Variants in PTPRZ1 observed in about 807,000 individuals in gnomAD.
PTPRZ1 encodes receptor-type tyrosine-protein phosphatase zeta.
A neutral mutation model predicts 214.1 loss-of-function variants in PTPRZ1; 82 were observed. That is an observed-to-expected ratio of 0.38 (90% CI 0.32 to 0.46). The LOEUF is 0.46. Ranked by LOEUF, PTPRZ1 falls within the 20% of genes least tolerant of loss-of-function variation. PTPRZ1 has a pLI of 1.00. For missense variants in PTPRZ1, 2,603 were observed against 2,748.7 expected (o/e 0.95, Z 1.19); for synonymous variants, 945 against 987.9 (o/e 0.96, Z 0.81).
At chr7:121,888,289 T>C (rs1239053331) in intron 1 of PTPRZ1, among the ~76,000 whole-genome samples, 2 of 151,732 alleles carry the variant, frequency 1.3e-5, no homozygotes, top group African/African-American at 4.8e-5. Context: ...GTTTAGAGTA[T>C]AGATGAAGAC....
chr7:121,998,597 C>G (rs1798217945), intron 10 of PTPRZ1, among the ~76,000 whole-genome samples: 1 of 152,070 alleles, frequency 6.6e-6, no homozygotes, highest in Non-Finnish European at 1.5e-5. Flanking sequence ...TGTACCTTCT[C>G]TAAATGTATG....
chr7:122,024,597 AT>A (rs958525839), intron 13 of PTPRZ1, among the ~76,000 whole-genome samples: 95 of 146,774 alleles, frequency 6.5e-4, no homozygotes, highest in South Asian at 2.2e-3. Context: ...TACTATTTTA[AT>A]TTTTTTTTTT....
rs189369863 is a variant in PTPRZ1, at chr7:122,061,292, T to G, written c.*72T>G. 7 of 1,357,782 alleles carry G rather than the reference T, an allele frequency of 5.2e-6. No homozygotes were observed. The highest frequency in any genetic ancestry group is 6.9e-6 in the Non-Finnish European group (7 of 1,018,132). 84.1% of individuals were successfully genotyped at this position (1,357,782 alleles called of 1,614,324 possible). A position where few individuals can be genotyped will look rare whatever the true frequency, so the allele number is the denominator to read the frequency against. ...TCCTAAAATTAGGCAGGAAAATCAG[T>G]CTAGTTCTGTTATCTGTTGATTTCC... On this transcript the variant is annotated 3_prime_UTR_variant, in exon 30 of 30. Coordinates refer to ENST00000393386, the MANE Select transcript of PTPRZ1 (RefSeq NM_002851.3).
At position 122,011,218 on chromosome 7, in the gene PTPRZ1, A is replaced by T. The variant is rs767207468; in HGVS notation, c.2172A>T (p.Thr724=). 6 of 1,613,840 alleles carry T rather than the reference A, an allele frequency of 3.7e-6. No individual in the cohort carries two copies. Among genetic ancestry groups the T allele is most frequent in the Non-Finnish European group, 5.1e-6 (6 of 1,179,984 alleles). ...TTGCCTACTTCCCAACTGAGGTAACACCTCATGCTTTTACCCCATCCTCCA... is the reference window on the plus strand; with the variant it reads ...TTGCCTACTTCCCAACTGAGGTAACTCCTCATGCTTTTACCCCATCCTCCA... ...STFAYFPTEV[T]PHAFTPSSRQ... is the part of the protein sequence containing the mutation. Residue 724 remains threonine, a synonymous_variant, in exon 12 of 30, where the codon ACA becomes ACT. Transcript: ENST00000393386.
At chr7:122,029,525 A>G (rs570749029) in intron 14 of PTPRZ1, among the ~76,000 whole-genome samples, 1 of 152,098 alleles carries the variant, frequency 6.6e-6, no homozygotes, top group African/African-American at 2.4e-5. Flanking sequence ...ATAAAAGGAA[A>G]GAGAAGTTAA....
intron 11 of PTPRZ1, among the ~76,000 whole-genome samples, chr7:122,007,410 G>C (rs960354043): frequency 2.6e-5 from 4 of 151,980 alleles, no homozygotes; most frequent in African/African-American, 9.7e-5. Flanking sequence ...AGCTTGGCTT[G>C]GTAAATTGGT....
intron 1 of PTPRZ1, among the ~76,000 whole-genome samples, chr7:121,903,113 G>A (rs1365348853): frequency 6.6e-5 from 10 of 152,138 alleles, no homozygotes; most frequent in Admixed American, 3.9e-4. Context: ...TGTCCAGTCC[G>A]TTGCTTGCAT....
At chr7:121,970,688 G>T (rs891411392) in intron 3 of PTPRZ1, among the ~76,000 whole-genome samples, 2 of 152,110 alleles carry the variant, frequency 1.3e-5, no homozygotes, top group Admixed American at 6.6e-5. Context: ...GTTCTTTCTA[G>T]ATTCTGGATA....
intron 2 of PTPRZ1, among the ~76,000 whole-genome samples, chr7:121,961,624 G>A (rs1451275167): frequency 6.6e-6 from 1 of 152,186 alleles, no homozygotes; most frequent in Non-Finnish European, 1.5e-5. Flanking sequence ...GCCTAGAATT[G>A]CTTTCCATTC....
chr7:121,874,351 G>A (rs1232746384), intron 1 of PTPRZ1, among the ~76,000 whole-genome samples: 1 of 152,112 alleles, frequency 6.6e-6, no homozygotes. Context: ...GCAGACTCAA[G>A]TTTTCCAGTC....
intron 1 of PTPRZ1, among the ~76,000 whole-genome samples, chr7:121,892,507 G>A (rs973216970): frequency 1.3e-5 from 2 of 151,310 alleles, no homozygotes; most frequent in Non-Finnish European, 2.9e-5. Flanking sequence ...GACCATAAGA[G>A]TATTTTAATT....
At chr7:121,879,616 A>G (rs947605207) in intron 1 of PTPRZ1, among the ~76,000 whole-genome samples, 1 of 152,154 alleles carries the variant, frequency 6.6e-6, no homozygotes, top group Non-Finnish European at 1.5e-5. Flanking sequence ...CACAAGTTTA[A>G]CTCTGCACAT....
At chr7:122,028,068 A>G (rs890649574) in intron 13 of PTPRZ1, 3 of 154,636 alleles carry the variant, frequency 1.9e-5, no homozygotes, top group African/African-American at 7.2e-5. Context: ...TACATAGTTC[A>G]TTTCTACATA....
intron 8 of PTPRZ1, among the ~76,000 whole-genome samples, chr7:121,988,212 C>T (rs1243864483): frequency 6.6e-6 from 1 of 152,046 alleles, no homozygotes; most frequent in African/African-American, 2.4e-5. Context: ...TTAAAAGGGG[C>T]CCTTCGTTTG....
Position 121,898,060 on chromosome 7 carries a change from T to C in PTPRZ1, c.58+24503T>C, listed in dbSNP as rs571770684. 2.0e-5 allele frequency among the ~76,000 whole-genome samples: 3 copies of C among 152,156 alleles called. No individual in the cohort carries two copies. The South Asian group carries it at 6.2e-4, about 32-fold the overall frequency. ...AATGTAGAATGTACCACTTCGGTGG[T>C]ACATTTAAATACTACAGTAGCAGAA... On this transcript the variant is annotated intron_variant, in intron 1 of 29. Transcript: ENST00000393386.
At chr7:121,985,365 G>A (rs1308041583) in intron 8 of PTPRZ1, among the ~76,000 whole-genome samples, 1 of 152,208 alleles carries the variant, frequency 6.6e-6, no homozygotes, top group Non-Finnish European at 1.5e-5. Flanking sequence ...TTGTCACACA[G>A]TTTTATCAAT....
At chr7:121,983,564 T>C (rs1344644025) in intron 6 of PTPRZ1, 101 bp from the exon 7 acceptor site, 2 of 1,168,904 alleles carry the variant, frequency 1.7e-6, no homozygotes, top group East Asian at 2.4e-5. Flanking sequence ...TCAGTTTTGA[T>C]TAAATACATA....
intron 10 of PTPRZ1, among the ~76,000 whole-genome samples, chr7:122,003,963 C>T (rs1798401368): frequency 6.6e-6 from 1 of 152,156 alleles, no homozygotes; most frequent in Non-Finnish European, 1.5e-5. Flanking sequence ...ACAGCATTAG[C>T]TGAGTTTCCC....
At chr7:121,880,936 A>G (rs961154510) in intron 1 of PTPRZ1, among the ~76,000 whole-genome samples, 1 of 152,178 alleles carries the variant, frequency 6.6e-6, no homozygotes, top group Non-Finnish European at 1.5e-5. Context: ...TTTAGTGCAC[A>G]AAAACGCTGA....
Sources: allele counts gnomAD v4.1 joint callset (sites outside exome capture counted in the v4.1 genomes callset), GRCh38; gene constraint gnomAD v4.1.1; transcripts MANE v1.5; gene names NCBI Gene and HGNC (gene_info 2026-07-23, HGNC 2026-07-21).